Variants in R3HCC1L observed in about 807,000 individuals in gnomAD.
The protein encoded by R3HCC1L is R3H domain and coiled-coil containing 1 like.
In R3HCC1L, 51 loss-of-function variants were observed where a neutral mutation model predicts 59.9. That is an observed-to-expected ratio of 0.85 (90% confidence interval 0.68 to 1.07). The LOEUF (loss-of-function observed/expected upper bound fraction) is 1.07, where lower values mean the gene tolerates loss of function less well. Ranked by LOEUF, R3HCC1L falls within the 50% of genes least tolerant of loss-of-function variation. The pLI, the probability that R3HCC1L is intolerant of heterozygous loss-of-function variation, is 0.00. For missense variants in R3HCC1L, 965 were observed against 933.0 expected (o/e 1.03, Z -0.45); for synonymous variants, 322 against 315.2 (o/e 1.02, Z -0.23).
intron 1 of R3HCC1L, among the ~76,000 whole-genome samples, chr10:98,136,953 G>C (rs577750776): frequency 6.6e-6 from 1 of 152,324 alleles, no homozygotes; most frequent in African/African-American, 2.4e-5. Context: ...GCGCACGTCT[G>C]TAATCCTGGC....
At chr10:98,143,517 CT>C (rs1845375237) in intron 1 of R3HCC1L, among the ~76,000 whole-genome samples, 1 of 152,120 alleles carries the variant, frequency 6.6e-6, no homozygotes, top group Admixed American at 6.5e-5. Flanking sequence ...CATAGTATTT[CT>C]TTTTTGTACC....
At chr10:98,165,773 T>C (rs1041397568) in intron 4 of R3HCC1L, among the ~76,000 whole-genome samples, 2 of 152,230 alleles carry the variant, frequency 1.3e-5, no homozygotes, top group Middle Eastern at 3.2e-3. Context: ...TAAACTCATA[T>C]GTTGAAATCT....
chr10:98,239,599 T>C (rs1857313249), intron 9 of R3HCC1L, among the ~76,000 whole-genome samples: 1 of 152,238 alleles, frequency 6.6e-6, no homozygotes, highest in Non-Finnish European at 1.5e-5. Flanking sequence ...CATGTTTTTC[T>C]TTATAAAACC....
At chr10:98,229,484 A>G (rs1288648803) in intron 5 of R3HCC1L, among the ~76,000 whole-genome samples, 5 of 152,188 alleles carry the variant, frequency 3.3e-5, no homozygotes, top group Non-Finnish European at 7.3e-5. Flanking sequence ...TTTTGGGCTG[A>G]GACAGTGGGG....
intron 2 of R3HCC1L, among the ~76,000 whole-genome samples, chr10:98,161,497 T>C (rs749278190): frequency 3.3e-5 from 5 of 152,132 alleles, no homozygotes; most frequent in Non-Finnish European, 7.4e-5. Flanking sequence ...TTTAGACCTT[T>C]ATGTAGTCCA....
chr10:98,159,237 AT>A (rs1847171667), intron 2 of R3HCC1L, among the ~76,000 whole-genome samples: 1 of 152,200 alleles, frequency 6.6e-6, no homozygotes, highest in African/African-American at 2.4e-5. Flanking sequence ...AAGTATTGTT[AT>A]GCTTTTACAT....
intron 4 of R3HCC1L, among the ~76,000 whole-genome samples, chr10:98,180,265 C>G (rs889628938): frequency 6.6e-6 from 1 of 152,016 alleles, no homozygotes; most frequent in African/African-American, 2.4e-5. Flanking sequence ...TGTTTTTGTT[C>G]CCATTGGTTT....
chr10:98,200,945 A>T (rs773094659), intron 4 of R3HCC1L, among the ~76,000 whole-genome samples: 2 of 152,190 alleles, frequency 1.3e-5, no homozygotes, highest in Non-Finnish European at 2.9e-5. Flanking sequence ...TTTAACTTAC[A>T]TAGTGTGTCT....
In R3HCC1L at chr10:98,208,814, A is replaced by T; in HGVS notation, c.700A>T (p.Ile234Phe). ...TTCTGTCATGAAACCTGAGAATATG[A>T]TTGTACCAATAAAACTAAGCTCTGA... ...FSSVMKPENM[I>F]VPIKLSSDSE... Residue 234 changes from isoleucine (I) to phenylalanine (F), a missense_variant, in exon 5 of 10, where the codon ATT becomes TTT. Transcript: ENST00000298999. 6.2e-7 allele frequency: 1 copy of T among 1,614,048 alleles called. No homozygotes were observed. Among genetic ancestry groups the T allele is most frequent in the South Asian group, 1.1e-5 (1 of 91,070 alleles).
intron 1 of R3HCC1L, among the ~76,000 whole-genome samples, chr10:98,136,158 G>A (rs763495972): frequency 2.6e-5 from 4 of 151,812 alleles, no homozygotes; most frequent in African/African-American, 4.8e-5. Context: ...CACTGTGCCC[G>A]ACCTCTGCGA....
intron 4 of R3HCC1L, among the ~76,000 whole-genome samples, chr10:98,188,884 C>T (rs1390452033): frequency 6.6e-6 from 1 of 151,966 alleles, no homozygotes; most frequent in African/African-American, 2.4e-5. Context: ...CCCTTGTTGC[C>T]TCGGTTTTAT....
intron 4 of R3HCC1L, among the ~76,000 whole-genome samples, chr10:98,183,562 T>A (rs1386455119): frequency 2.0e-5 from 3 of 152,172 alleles, no homozygotes. Flanking sequence ...TGTCTTATTG[T>A]CTCTCTTTCT....
At chr10:98,136,709 C>A (rs1352971333) in intron 1 of R3HCC1L, among the ~76,000 whole-genome samples, 1 of 152,068 alleles carries the variant, frequency 6.6e-6, no homozygotes, top group African/African-American at 2.4e-5. Flanking sequence ...TAGTGGTGCA[C>A]GCCTGTAGTC....
chr10:98,188,722 A>T (rs1263715797), intron 4 of R3HCC1L, among the ~76,000 whole-genome samples: 1 of 152,162 alleles, frequency 6.6e-6, no homozygotes, highest in Non-Finnish European at 1.5e-5. Flanking sequence ...ATTGTTAAAG[A>T]TATTTAAGTG....
intron 9 of R3HCC1L, among the ~76,000 whole-genome samples, chr10:98,238,348 A>G (rs1168514300): frequency 6.6e-6 from 1 of 152,228 alleles, no homozygotes; most frequent in Non-Finnish European, 1.5e-5. Flanking sequence ...CCTCTCCTTA[A>G]GCCTTACAGT....
At chr10:98,221,214 GT>G (rs1404620415) in intron 5 of R3HCC1L, among the ~76,000 whole-genome samples, 5 of 151,740 alleles carry the variant, frequency 3.3e-5, no homozygotes, top group African/African-American at 1.2e-4. Flanking sequence ...TCGCCCACTT[GT>G]TGATGGGGTT....
At chr10:98,140,192 A>G (rs527792967) in intron 1 of R3HCC1L, among the ~76,000 whole-genome samples, 10 of 152,264 alleles carry the variant, frequency 6.6e-5, no homozygotes, top group African/African-American at 1.9e-4. Context: ...ACTATTAAAG[A>G]AAGAAGGGAA....
intron 4 of R3HCC1L, among the ~76,000 whole-genome samples, chr10:98,191,601 G>T (rs1229070963): frequency 6.6e-6 from 1 of 152,164 alleles, no homozygotes; most frequent in Non-Finnish European, 1.5e-5. Flanking sequence ...CATTCTGCAG[G>T]TTGCCTGTGC....
intron 3 of R3HCC1L, 26 bp downstream of exon 3, chr10:98,163,001 T>G: frequency 6.4e-6 from 1 of 155,500 alleles, no homozygotes; most frequent in Non-Finnish European, 1.4e-5. Flanking sequence ...CCTGGCCTCT[T>G]TTTGTGATTT....
Sources: gnomAD v4.1 joint callset for allele counts (sites outside exome capture counted in the v4.1 genomes callset) on GRCh38, gnomAD v4.1.1 for gene constraint, MANE v1.5 for transcripts, NCBI Gene and HGNC (gene_info 2026-07-23, HGNC 2026-07-21) for gene names.